The following KDM5B variants were observed in gnomAD, a reference collection of about 807,000 sequenced individuals.
KDM5B encodes the protein lysine-specific demethylase 5B.
Under a neutral mutation model 193.4 loss-of-function variants are expected in KDM5B, and 144 were observed. The observed-to-expected ratio is 0.74, with a 90% CI of 0.65 to 0.86. The LOEUF (loss-of-function observed/expected upper bound fraction) is 0.86. KDM5B is among the 40% of genes least tolerant of loss of function. The probability of loss-of-function intolerance (pLI) is 0.00; values close to 1 mark genes in which losing one functional copy is unlikely to be tolerated. For synonymous variants in KDM5B, 668 were observed against 682.6 expected, an observed-to-expected ratio of 0.98 and a Z score of 0.33; for missense variants, 1,833 against 1,886.9, an observed-to-expected ratio of 0.97 and a Z score of 0.53.
chr1:202,792,132 A>G (rs2102332010), intron 1 of KDM5B, among the ~76,000 whole-genome samples: 1 of 152,302 alleles, frequency 6.6e-6, no homozygotes, highest in South Asian at 2.1e-4. Flanking sequence ...TCTGTAGTAG[A>G]ACTGAGAAAT....
intron 12 of KDM5B, 96 bp from the exon 13 acceptor site, chr1:202,750,874 A>G: frequency 1.5e-6 from 2 of 1,306,146 alleles, no homozygotes; most frequent in Non-Finnish European, 2.1e-6. Flanking sequence ...ATTTTCAAAA[A>G]AAGGCAGCTT....
chr1:202,796,787 G>T (rs1657865466), intron 1 of KDM5B: 1 of 160,226 alleles, frequency 6.2e-6, no homozygotes, highest in Admixed American at 6.3e-5. Context: ...GACAACCATA[G>T]GAGTCAGCTT....
In KDM5B at chr1:202,750,644, A is replaced by AT. The variant is rs781057171; in HGVS notation, c.1821+14dup. ...CAATAAATTTGAAAAGGTTAACTACATTGTAATTACATACCCAATCAACAG... is the reference window on the plus strand; with the variant it reads ...CAATAAATTTGAAAAGGTTAACTACATTTGTAATTACATACCCAATCAACAG... On this transcript the variant is annotated intron_variant, in intron 13 of 26. Transcript: ENST00000367265. 9.5e-5 allele frequency: 153 copies of AT among 1,611,850 alleles called. No homozygotes were observed. The African/African-American group carries it at 1.9e-3, about 20-fold the overall frequency.
In KDM5B at chr1:202,758,495, GTGGCTTAC is replaced by G; in HGVS notation, c.1085_1092del (p.Ser362ThrfsTer7). ...GCTTGTTCAAAGCCAAATGCTTCTT[GTGGCTTAC>G]TACATTCCTGAAAATAAAGAAAATT... On this transcript the variant is annotated frameshift_variant, in exon 9 of 27. Transcript: ENST00000367265. LOFTEE classifies it high-confidence loss of function. 1 of 1,610,490 alleles carries G rather than the reference GTGGCTTAC, an allele frequency of 6.2e-7. No homozygotes were observed. The highest frequency in any genetic ancestry group is 8.5e-7 in the Non-Finnish European group (1 of 1,177,288).
chr1:202,807,729 G>A (rs1364402076), intron 1 of KDM5B, among the ~76,000 whole-genome samples: 1 of 134,308 alleles, frequency 7.4e-6, no homozygotes, highest in South Asian at 2.6e-4. Flanking sequence ...CGGGCCCACA[G>A]TCCTCCCTCC....
At chr1:202,732,683 G>A (rs1654932318) in intron 23 of KDM5B, among the ~76,000 whole-genome samples, 1 of 151,030 alleles carries the variant, frequency 6.6e-6, no homozygotes, top group South Asian at 2.1e-4. Context: ...ATGTGTCTGT[G>A]CTCATATGGC....
chr1:202,748,378 T>C (rs907538907), intron 14 of KDM5B, among the ~76,000 whole-genome samples: 1 of 152,026 alleles, frequency 6.6e-6, no homozygotes. Flanking sequence ...AAAACATGAT[T>C]CACACAAGAA....
At chr1:202,730,183 T>C (rs2102208649) in intron 25 of KDM5B, among the ~76,000 whole-genome samples, 156 bp from the exon 26 acceptor site, 1 of 152,364 alleles carries the variant, frequency 6.6e-6, no homozygotes, top group South Asian at 2.1e-4. Flanking sequence ...CCCAGTCTTG[T>C]ATAAGACAAC....
chr1:202,798,571 T>C (rs986008452), intron 1 of KDM5B, among the ~76,000 whole-genome samples: 15 of 152,002 alleles, frequency 9.9e-5, no homozygotes, highest in African/African-American at 3.6e-4. Flanking sequence ...TACAAAAAAA[T>C]TTGAAAAATT....
intron 25 of KDM5B, 144 bp from the exon 26 acceptor site, chr1:202,730,171 C>T: frequency 1.4e-6 from 1 of 724,084 alleles, no homozygotes; most frequent in Non-Finnish European, 2.2e-6. Context: ...AACCACTCCC[C>T]TCCCAGTCTT....
At chr1:202,799,695 G>A (rs905661250) in intron 1 of KDM5B, among the ~76,000 whole-genome samples, 3 of 151,206 alleles carry the variant, frequency 2.0e-5, no homozygotes, top group South Asian at 4.2e-4. Context: ...AGAAAAAAAC[G>A]TGATAAATAA....
rs556320379 is a variant in KDM5B at position 202,729,093 on chromosome 1, C to T, written c.4578G>A (p.Glu1526=). The T allele has an allele frequency of 3.1e-6, 5 of 1,614,146 alleles. No homozygotes were observed. The South Asian group carries it at 3.3e-5, about 11-fold the overall frequency. ...VCVGVSPEMA[E]KEDYICVRCT... ...AGCGCACACAGATGTAGTCTTCTTTCTCTGCCATCTCTGGGGAGACACCAA... is the reference window on the plus strand; with the variant it reads ...AGCGCACACAGATGTAGTCTTCTTTTTCTGCCATCTCTGGGGAGACACCAA... The change falls in exon 27 of 27, where the codon GAG becomes GAA. Residue 1526 remains glutamate, a synonymous_variant. Coordinates refer to ENST00000367265, the MANE Select transcript of KDM5B (RefSeq NM_006618.5).
At position 202,773,212 on chromosome 1, in the gene KDM5B, A is replaced by T; in HGVS notation, c.482T>A (p.Phe161Tyr). ...TGAGCCCACTGCTTTGCCAGGAGCAAACCCCATCTTGGTAGCAATTTTGGT... is the reference window on the plus strand; with the variant it reads ...TGAGCCCACTGCTTTGCCAGGAGCATACCCCATCTTGGTAGCAATTTTGGT... ...KWTKIATKMG[F>Y]APGKAVGSHI... Residue 161 changes from phenylalanine (F) to tyrosine (Y), a missense_variant, in exon 4 of 27, where the codon TTT becomes TAT. Phe to Tyr is a conservative substitution (Grantham distance 22). Around this residue, in one of 3 missense-constraint regions of KDM5B, gnomAD observed 355 missense variants for 374.9 expected, o/e 0.95. Transcript: ENST00000367265. 3 of 1,614,100 alleles carry T rather than the reference A, an allele frequency of 1.9e-6. No homozygotes were observed. The highest frequency in any genetic ancestry group is 2.5e-6 in the Non-Finnish European group (3 of 1,179,942).
At chr1:202,807,996 G>T in intron 1 of KDM5B, 106 bp downstream of exon 1, 1 of 1,171,880 alleles carries the variant, frequency 8.5e-7, no homozygotes, top group Non-Finnish European at 1.2e-6. Context: ...CGAGGCCGGC[G>T]GGGCGACCGG....
chr1:202,808,168 G>A lies in KDM5B; in HGVS notation c.138C>T (p.Phe46=). 2 of 1,613,206 alleles carry A rather than the reference G, an allele frequency of 1.2e-6. No individual in the cohort carries two copies. The highest frequency in any genetic ancestry group is 1.3e-5 in the African/African-American group (1 of 75,012). Residue 46 remains phenylalanine (F), a synonymous_variant, in exon 1 of 27, where the codon TTC becomes TTT. Coordinates refer to ENST00000367265, the MANE Select transcript of KDM5B (RefSeq NM_006618.5). ...EPSWEEFADP[F]AFIHKIRPIA... ...TGGGCCGGATCTTGTGGATGAAAGC[G>A]AAGGGGTCCGCGAACTCTTCCCAGC... is the stretch of plus-strand genomic sequence containing the variant.
At chr1:202,757,098 G>T (rs1181353534) in intron 9 of KDM5B, among the ~76,000 whole-genome samples, 1 of 43,168 alleles carries the variant, frequency 2.3e-5, no homozygotes. Flanking sequence ...CTGGGAGGTG[G>T]GGGGGGGATT....
chr1:202,757,723 A>C (rs568985688), intron 9 of KDM5B, among the ~76,000 whole-genome samples: 1 of 152,090 alleles, frequency 6.6e-6, no homozygotes, highest in South Asian at 2.1e-4. Context: ...CCATAAATTG[A>C]TACAGCAACT....
rs973552610 is a variant in KDM5B, at chr1:202,767,314, G to A, written c.577-254C>T. Reference sequence around the variant, plus strand: ...GTACAAACACATCTTAGCTAGTAACGACCACTTGTTTTCCACTGAAAATGG... The same window carrying A: ...GTACAAACACATCTTAGCTAGTAACAACCACTTGTTTTCCACTGAAAATGG... On this transcript the variant is annotated intron_variant, in intron 4 of 26. Transcript: ENST00000367265. The A allele has an allele frequency of 3.1e-6, 5 of 1,608,790 alleles. No individual in the cohort carries two copies. The African/African-American group carries it at 4.0e-5, about 13-fold the overall frequency.
At chr1:202,774,464 G>T in intron 3 of KDM5B, 149 bp downstream of exon 3, 1 of 687,116 alleles carries the variant, frequency 1.5e-6, no homozygotes, top group Non-Finnish European at 2.4e-6. Flanking sequence ...CTGGTCTCAA[G>T]CAATCCTCCT....
Sources: allele counts gnomAD v4.1 joint callset (sites outside exome capture counted in the v4.1 genomes callset), GRCh38; gene constraint gnomAD v4.1.1; regional missense constraint gnomAD v4.1.1; transcripts MANE v1.5; gene names NCBI Gene and HGNC (gene_info 2026-07-23, HGNC 2026-07-21).